MMP16: variants seen among roughly 807,000 people sequenced by gnomAD.
MMP16 encodes the protein matrix metallopeptidase 16, also known as matrix metalloproteinase-16.
In MMP16, 12 loss-of-function variants were observed where a neutral mutation model predicts 67.8. The observed-to-expected ratio is 0.18, with a 90% CI of 0.11 to 0.29. The LOEUF (loss-of-function observed/expected upper bound fraction) is 0.29. MMP16 is among the 10% of genes least tolerant of loss of function. The probability of loss-of-function intolerance (pLI) is 1.00; values close to 1 mark genes in which losing one functional copy is unlikely to be tolerated. For synonymous variants in MMP16, 249 were observed against 255.9 expected, an observed-to-expected ratio of 0.97 and a Z score of 0.26; for missense variants, 475 against 765.7, an observed-to-expected ratio of 0.62 and a Z score of 4.48.
At chr8:88,156,885 T>C (rs2129665168) in intron 4 of MMP16, among the ~76,000 whole-genome samples, 1 of 152,178 alleles carries the variant, frequency 6.6e-6, no homozygotes, top group South Asian at 2.1e-4. Flanking sequence ...AGCTAAATAA[T>C]GGATAATAGG....
rs369867482 is a variant in MMP16, at chr8:88,160,712, GA to G, written c.709+6956del. Among the ~76,000 whole-genome samples, 1,194 of 152,162 alleles carry G rather than the reference GA, an allele frequency of 7.8e-3. 17 individuals are homozygous for G. Among genetic ancestry groups the G allele is most frequent in the Middle Eastern group, 0.075 (22 of 294 alleles). Reference sequence around the variant, plus strand: ...ACTATAAACTAGTTCAACCATTGTGGAAGTCAGTGTGGTGATTCCTCAGGGA... The same window carrying G: ...ACTATAAACTAGTTCAACCATTGTGGAGTCAGTGTGGTGATTCCTCAGGGA... On this transcript the variant is annotated intron_variant, in intron 4 of 9. Transcript: ENST00000286614.
intron 8 of MMP16, among the ~76,000 whole-genome samples, chr8:88,052,106 A>G (rs1322389165): frequency 2.6e-5 from 4 of 152,200 alleles, no homozygotes; most frequent in Non-Finnish European, 5.9e-5. Context: ...TTATATGTCA[A>G]TAACTCTGAG....
chr8:88,102,576 A>G (rs1414635152), intron 6 of MMP16, among the ~76,000 whole-genome samples: 1 of 151,720 alleles, frequency 6.6e-6, no homozygotes, highest in Non-Finnish European at 1.5e-5. Flanking sequence ...TGGCCATGAA[A>G]TTAACCTTCA....
intron 1 of MMP16, among the ~76,000 whole-genome samples, chr8:88,250,563 T>C (rs867349944): frequency 6.6e-6 from 1 of 151,982 alleles, no homozygotes; most frequent in African/African-American, 2.4e-5. Context: ...GATTGTTTTG[T>C]AGCATGATGA....
intron 1 of MMP16, among the ~76,000 whole-genome samples, chr8:88,267,137 TAGA>T (rs1423297248): frequency 7.2e-5 from 11 of 152,302 alleles, no homozygotes; most frequent in South Asian, 4.1e-4. Context: ...TGCTTTTCCT[TAGA>T]AGGACACACA....
At chr8:88,260,823 T>C (rs927276842) in intron 1 of MMP16, among the ~76,000 whole-genome samples, 10 of 152,298 alleles carry the variant, frequency 6.6e-5, no homozygotes, top group Admixed American at 2.0e-4. Context: ...TGTTTCCCAG[T>C]TAACAAATCC....
chr8:88,227,327 C>G (rs1479130170), intron 1 of MMP16, among the ~76,000 whole-genome samples: 2 of 151,958 alleles, frequency 1.3e-5, no homozygotes, highest in Non-Finnish European at 2.9e-5. Flanking sequence ...ATGCTCATTA[C>G]ATATTTCACA....
At chr8:88,115,503 C>T (rs1028946873) in intron 6 of MMP16, among the ~76,000 whole-genome samples, 1 of 151,770 alleles carries the variant, frequency 6.6e-6, no homozygotes. Flanking sequence ...ATATCGAATC[C>T]AGATCTTATT....
chr8:88,208,159 A>G (rs1338820846), intron 1 of MMP16, among the ~76,000 whole-genome samples: 2 of 138,648 alleles, frequency 1.4e-5, no homozygotes, highest in Non-Finnish European at 1.5e-5. Flanking sequence ...AAATATCACA[A>G]AGAACATTCA....
At chr8:88,101,856 T>A (rs1019972902) in intron 6 of MMP16, among the ~76,000 whole-genome samples, 1 of 151,854 alleles carries the variant, frequency 6.6e-6, no homozygotes, top group African/African-American at 2.4e-5. Flanking sequence ...CAGTTCCAGA[T>A]AGGACATATC....
At chr8:88,268,277 G>T (rs776246180) in intron 1 of MMP16, among the ~76,000 whole-genome samples, 2 of 152,164 alleles carry the variant, frequency 1.3e-5, no homozygotes, top group Non-Finnish European at 2.9e-5. Context: ...GGGAGGTGGA[G>T]GTTGCAGTGA....
chr8:88,051,287 T>G (rs925910403), intron 8 of MMP16, among the ~76,000 whole-genome samples: 1 of 152,170 alleles, frequency 6.6e-6, no homozygotes, highest in African/African-American at 2.4e-5. Context: ...AGCTTATAGA[T>G]GCATTGAGAA....
chr8:88,076,582 T>C (rs1808655422), intron 6 of MMP16, among the ~76,000 whole-genome samples: 1 of 152,134 alleles, frequency 6.6e-6, no homozygotes, highest in Non-Finnish European at 1.5e-5. Context: ...AAATACAATT[T>C]CATATAAAGA....
intron 1 of MMP16, among the ~76,000 whole-genome samples, chr8:88,322,240 G>A (rs936580018): frequency 3.3e-5 from 5 of 152,082 alleles, no homozygotes; most frequent in African/African-American, 9.7e-5. Context: ...TTCAGCGAAC[G>A]TGATGTTGTA....
intron 3 of MMP16, among the ~76,000 whole-genome samples, chr8:88,185,990 T>A (rs1809066011): frequency 6.6e-6 from 1 of 152,182 alleles, no homozygotes; most frequent in South Asian, 2.1e-4. Flanking sequence ...AATCCATTAA[T>A]AACAATTGTC....
chr8:88,298,081 A>G (rs1811039536), intron 1 of MMP16, among the ~76,000 whole-genome samples: 1 of 152,238 alleles, frequency 6.6e-6, no homozygotes, highest in Admixed American at 6.5e-5. Context: ...TAAATTAAAA[A>G]GGTAGTTATA....
intron 1 of MMP16, among the ~76,000 whole-genome samples, chr8:88,326,266 A>G (rs781246649): frequency 6.6e-6 from 1 of 152,226 alleles, no homozygotes; most frequent in Non-Finnish European, 1.5e-5. Context: ...TGACAGGAAG[A>G]GTACTTTGGC....
At chr8:88,213,400 T>C (rs1809541532) in intron 1 of MMP16, among the ~76,000 whole-genome samples, 1 of 152,158 alleles carries the variant, frequency 6.6e-6, no homozygotes, top group South Asian at 2.1e-4. Context: ...TTAAAAATAT[T>C]CTACCGTATT....
intron 8 of MMP16, among the ~76,000 whole-genome samples, chr8:88,050,267 G>C (rs749812708): frequency 1.3e-5 from 2 of 152,288 alleles, no homozygotes; most frequent in South Asian, 4.1e-4. Flanking sequence ...AGGTTGCAGC[G>C]AGCCGAGATA....
Sources: allele counts gnomAD v4.1 joint callset (sites outside exome capture counted in the v4.1 genomes callset), GRCh38; gene constraint gnomAD v4.1.1; transcripts MANE v1.5; gene names NCBI Gene and HGNC (gene_info 2026-07-23, HGNC 2026-07-21).